The following CAMKMT variants were observed in gnomAD, a reference collection of about 807,000 sequenced individuals.
The protein encoded by CAMKMT is calmodulin-lysine N-methyltransferase.
Under a neutral mutation model 48.0 loss-of-function variants are expected in CAMKMT, and 53 were observed. That is an observed-to-expected ratio of 1.10 (90% CI 0.89 to 1.39). The LOEUF is 1.39. Ranked by LOEUF, CAMKMT falls within the 40% of genes most tolerant of loss-of-function variation. The probability of loss-of-function intolerance (pLI) is 0.00; values close to 1 mark genes in which losing one functional copy is unlikely to be tolerated. For synonymous variants in CAMKMT, 165 were observed against 152.3 expected, an observed-to-expected ratio of 1.08 and a Z score of -0.61; for missense variants, 428 against 402.7, an observed-to-expected ratio of 1.06 and a Z score of -0.54.
At chr2:44,521,020 A>C (rs573783363) in intron 3 of CAMKMT, among the ~76,000 whole-genome samples, 330 of 152,306 alleles carry the variant, frequency 2.2e-3, no homozygotes, top group African/African-American at 7.5e-3. Context: ...GCATTTCTTC[A>C]TAGCAGAGTG....
chr2:44,627,926 C>A (rs1672586673), intron 3 of CAMKMT, among the ~76,000 whole-genome samples: 1 of 151,956 alleles, frequency 6.6e-6, no homozygotes, highest in Non-Finnish European at 1.5e-5. Context: ...TCTCTAACTC[C>A]TGACCTCAGG....
At chr2:44,395,752 A>T (rs1681775480) in intron 3 of CAMKMT, among the ~76,000 whole-genome samples, 2 of 152,184 alleles carry the variant, frequency 1.3e-5, no homozygotes, top group South Asian at 4.1e-4. Flanking sequence ...TTTTATGGTT[A>T]GTAATATCAT....
Position 44,391,168 on chromosome 2 carries a change from A to G in CAMKMT, c.376+863A>G, listed in dbSNP as rs181495951. On this transcript the variant is annotated intron_variant, in intron 3 of 10. Transcript: ENST00000378494. Reference sequence around the variant, plus strand: ...TTAACAATGCAGTTTTATCAAATAAATAGATTTGCATAGAATTGTGTTCAG... The same window carrying G: ...TTAACAATGCAGTTTTATCAAATAAGTAGATTTGCATAGAATTGTGTTCAG... Among the ~76,000 whole-genome samples the G allele has an allele frequency of 1.2e-3, 186 of 152,336 alleles. 1 individual carries two copies. The highest frequency in any genetic ancestry group is 4.3e-3 in the African/African-American group (179 of 41,584).
At chr2:44,616,536 A>ATT (rs5830798) in intron 3 of CAMKMT, among the ~76,000 whole-genome samples, 5 of 151,110 alleles carry the variant, frequency 3.3e-5, no homozygotes, top group South Asian at 4.2e-4. Context: ...CTTTAACAAT[A>ATT]TATTTTTTTG....
intron 3 of CAMKMT, among the ~76,000 whole-genome samples, chr2:44,599,140 G>A (rs1670837453): frequency 6.6e-6 from 1 of 152,070 alleles, no homozygotes; most frequent in South Asian, 2.1e-4. Flanking sequence ...AAGATGGAAT[G>A]GGAAAAACAT....
rs763304388 is a variant in CAMKMT at position 44,772,135 on chromosome 2, G to A, written c.*22G>A. ...ATAGAAGATTAAGCTTCTCAAAGACGAAGAAACGTATCAAGTGCATAGGGA... is the reference window on the plus strand; with the variant it reads ...ATAGAAGATTAAGCTTCTCAAAGACAAAGAAACGTATCAAGTGCATAGGGA... On this transcript the variant is annotated 3_prime_UTR_variant, in exon 11 of 11. Coordinates refer to ENST00000378494, the MANE Select transcript of CAMKMT (RefSeq NM_024766.5). 9 of 1,591,330 alleles carry A rather than the reference G, an allele frequency of 5.7e-6. No individual in the cohort carries two copies. Among genetic ancestry groups the A allele is most frequent in the East Asian group, 4.5e-5 (2 of 44,766 alleles).
At chr2:44,480,569 A>T (rs1668916721) in intron 3 of CAMKMT, among the ~76,000 whole-genome samples, 1 of 152,202 alleles carries the variant, frequency 6.6e-6, no homozygotes, top group South Asian at 2.1e-4. Flanking sequence ...CAGAAACTGT[A>T]TTATGATCGT....
chr2:44,457,673 C>T (rs562498835), intron 3 of CAMKMT, among the ~76,000 whole-genome samples: 39 of 152,292 alleles, frequency 2.6e-4, no homozygotes, highest in African/African-American at 8.4e-4. Context: ...GCTAGGATTA[C>T]AGGCATGAGC....
chr2:44,644,735 A>G (rs13400118), intron 3 of CAMKMT, among the ~76,000 whole-genome samples: 4 of 151,946 alleles, frequency 2.6e-5, no homozygotes, highest in Non-Finnish European at 5.9e-5. Context: ...TTATAATTAG[A>G]CTTTTATAGC....
intron 3 of CAMKMT, among the ~76,000 whole-genome samples, chr2:44,439,744 A>C (rs554454543): frequency 2.0e-5 from 3 of 151,928 alleles, no homozygotes; most frequent in African/African-American, 7.3e-5. Flanking sequence ...AGGCTGAGGT[A>C]GGAGAATGGC....
chr2:44,425,469 GA>G (rs1320360498), intron 3 of CAMKMT, among the ~76,000 whole-genome samples: 2 of 152,136 alleles, frequency 1.3e-5, no homozygotes, highest in Non-Finnish European at 2.9e-5. Context: ...TAGAGCAATA[GA>G]AAAATGACAT....
intron 3 of CAMKMT, among the ~76,000 whole-genome samples, chr2:44,394,617 G>A (rs1390336783): frequency 3.3e-5 from 5 of 152,002 alleles, no homozygotes; most frequent in African/African-American, 2.4e-5. Context: ...TAGTAGAGAC[G>A]GAGTTTCACC....
chr2:44,462,046 A>G (rs1188227855), intron 3 of CAMKMT, among the ~76,000 whole-genome samples: 2 of 152,104 alleles, frequency 1.3e-5, no homozygotes, highest in Non-Finnish European at 2.9e-5. Context: ...TTCTCCTTAT[A>G]TCTTTGGAGA....
chr2:44,748,158 G>A (rs1573224369), intron 8 of CAMKMT, among the ~76,000 whole-genome samples: 1 of 152,262 alleles, frequency 6.6e-6, no homozygotes, highest in Admixed American at 6.5e-5. Context: ...CTGCATCAGA[G>A]CTAAGTAGCA....
chr2:44,490,726 C>G (rs969484043), intron 3 of CAMKMT, among the ~76,000 whole-genome samples: 4 of 152,118 alleles, frequency 2.6e-5, no homozygotes, highest in African/African-American at 9.7e-5. Flanking sequence ...GTATTTCTCT[C>G]CATTCCAGCC....
At chr2:44,526,273 A>G (rs539973723) in intron 3 of CAMKMT, among the ~76,000 whole-genome samples, 1 of 152,234 alleles carries the variant, frequency 6.6e-6, no homozygotes, top group South Asian at 2.1e-4. Flanking sequence ...TAGAAAATGT[A>G]TAATGCTAAG....
intron 3 of CAMKMT, among the ~76,000 whole-genome samples, chr2:44,531,043 C>G (rs1666456826): frequency 6.6e-6 from 1 of 151,824 alleles, no homozygotes. Context: ...GGAACACAGG[C>G]TGATTTTTTA....
chr2:44,520,281 C>G (rs1671036879), intron 3 of CAMKMT, among the ~76,000 whole-genome samples: 1 of 151,940 alleles, frequency 6.6e-6, no homozygotes, highest in African/African-American at 2.4e-5. Context: ...GTTGCCCAGA[C>G]TATGTTGCCC....
intron 3 of CAMKMT, among the ~76,000 whole-genome samples, chr2:44,574,496 T>A (rs1044985680): frequency 6.6e-6 from 1 of 152,058 alleles, no homozygotes; most frequent in Non-Finnish European, 1.5e-5. Context: ...GACTTAAATA[T>A]CAAAGGTGCA....
Sources: gnomAD v4.1 joint callset for allele counts (sites outside exome capture counted in the v4.1 genomes callset) on GRCh38, gnomAD v4.1.1 for gene constraint, MANE v1.5 for transcripts, NCBI Gene and HGNC (gene_info 2026-07-23, HGNC 2026-07-21) for gene names.